Variants in GABRB1 observed in about 807,000 individuals in gnomAD.
GABRB1 encodes the protein gamma-aminobutyric acid type A receptor subunit beta1.
GABRB1 carries 17 observed loss-of-function variants against 51.6 expected under a neutral mutation model. The ratio of observed to expected loss-of-function variants is 0.33; its 90% CI spans 0.23 to 0.49. The LOEUF is 0.49. GABRB1 is among the 20% of genes least tolerant of loss of function. The pLI is 0.99. For missense variants in GABRB1, 410 were observed against 600.6 expected, an observed-to-expected ratio of 0.68 and a Z score of 3.32; for synonymous variants, 247 against 218.9, an observed-to-expected ratio of 1.13 and a Z score of -1.14.
chr4:47,065,448 G>A (rs1358647316), intron 3 of GABRB1, among the ~76,000 whole-genome samples: 1 of 152,176 alleles, frequency 6.6e-6, no homozygotes, highest in African/African-American at 2.4e-5. Flanking sequence ...CACTCACAAT[G>A]ATAGCTCCAT....
chr4:47,181,621 C>A (rs78968922), intron 4 of GABRB1, among the ~76,000 whole-genome samples: 5 of 151,936 alleles, frequency 3.3e-5, no homozygotes, highest in African/African-American at 4.8e-5. Flanking sequence ...TAGTGCCTAT[C>A]GCATAGGGTT....
At chr4:47,154,813 C>T (rs956209848) in intron 3 of GABRB1, among the ~76,000 whole-genome samples, 1 of 152,022 alleles carries the variant, frequency 6.6e-6, no homozygotes, top group East Asian at 1.9e-4. Context: ...AAACTCTGCC[C>T]TTATGGCTAC....
intron 4 of GABRB1, among the ~76,000 whole-genome samples, chr4:47,204,818 A>G (rs1720049844): frequency 6.6e-6 from 1 of 152,184 alleles, no homozygotes; most frequent in Admixed American, 6.6e-5. Flanking sequence ...TGAGTTCTCC[A>G]TTAAACCTTT....
At chr4:47,353,507 A>C (rs1460937924) in intron 5 of GABRB1, among the ~76,000 whole-genome samples, 1 of 152,188 alleles carries the variant, frequency 6.6e-6, no homozygotes, top group Non-Finnish European at 1.5e-5. Flanking sequence ...CTAACCTATA[A>C]AGAAATACTG....
At chr4:47,088,312 T>C (rs1288605262) in intron 3 of GABRB1, among the ~76,000 whole-genome samples, 2 of 152,152 alleles carry the variant, frequency 1.3e-5, no homozygotes, top group African/African-American at 4.8e-5. Context: ...AATGCAATAA[T>C]GCACATAGGA....
At chr4:47,250,806 C>A (rs529028685) in intron 4 of GABRB1, among the ~76,000 whole-genome samples, 5 of 152,166 alleles carry the variant, frequency 3.3e-5, no homozygotes, top group African/African-American at 1.2e-4. Flanking sequence ...ATTTTTGAAT[C>A]TTTTTTAAGC....
rs1727539941 is a variant in GABRB1 at position 47,076,161 on chromosome 4, G to A, written c.240+43677G>A. Among the ~76,000 whole-genome samples, 3 of 152,144 alleles carry A rather than the reference G, an allele frequency of 2.0e-5. No individual in the cohort carries two copies. The South Asian group carries it at 6.2e-4, about 32-fold the overall frequency. On this transcript the variant is annotated intron_variant, in intron 3 of 8. Coordinates refer to ENST00000295454, the MANE Select transcript of GABRB1 (RefSeq NM_000812.4). The stretch of plus-strand genomic sequence containing the variant: ...TGACTGATTTCTTTGTTCAATTCCA[G>A]CAGCATTGGCTAGGACCCTGACCAC...
chr4:47,188,552 C>G (rs766099404), intron 4 of GABRB1, among the ~76,000 whole-genome samples: 4 of 151,888 alleles, frequency 2.6e-5, no homozygotes, highest in Non-Finnish European at 4.4e-5. Flanking sequence ...CACATTGTTA[C>G]TCTTCAAGTT....
chr4:47,231,681 T>C (rs1376658721), intron 4 of GABRB1, among the ~76,000 whole-genome samples: 2 of 152,212 alleles, frequency 1.3e-5, no homozygotes, highest in Admixed American at 6.6e-5. Context: ...CAAAAAATCA[T>C]TGCAAGCTCT....
At chr4:47,044,488 T>A (rs1725999655) in intron 3 of GABRB1, among the ~76,000 whole-genome samples, 2 of 152,070 alleles carry the variant, frequency 1.3e-5, no homozygotes, top group Admixed American at 1.3e-4. Flanking sequence ...ATTTACTTAA[T>A]CTCTTTGATT....
chr4:46,998,814 T>A (rs1724088778), intron 1 of GABRB1, among the ~76,000 whole-genome samples: 1 of 151,940 alleles, frequency 6.6e-6, no homozygotes, highest in African/African-American at 2.4e-5. Flanking sequence ...TAACTACTTT[T>A]AGGCTCAATT....
chr4:47,139,581 A>G (rs1474686138), intron 3 of GABRB1, among the ~76,000 whole-genome samples: 5 of 151,996 alleles, frequency 3.3e-5, no homozygotes, highest in South Asian at 4.1e-4. Context: ...CTACCAAATC[A>G]TAGAATCACG....
intron 3 of GABRB1, among the ~76,000 whole-genome samples, chr4:47,134,823 A>G (rs1006070301): frequency 4.6e-5 from 7 of 152,332 alleles, no homozygotes; most frequent in African/African-American, 1.7e-4. Context: ...ACACTTACCA[A>G]TGTAATGAGT....
chr4:47,188,409 T>C (rs1719280714), intron 4 of GABRB1, among the ~76,000 whole-genome samples: 1 of 151,920 alleles, frequency 6.6e-6, no homozygotes, highest in African/African-American at 2.4e-5. Context: ...CATATATGTT[T>C]TGGGTTGATT....
intron 3 of GABRB1, among the ~76,000 whole-genome samples, chr4:47,054,421 A>C (rs1577864645): frequency 6.6e-6 from 1 of 152,120 alleles, no homozygotes; most frequent in African/African-American, 2.4e-5. Flanking sequence ...TTTTTCATGT[A>C]ATTAGGGATA....
At chr4:47,191,834 GA>G (rs1209905036) in intron 4 of GABRB1, among the ~76,000 whole-genome samples, 9 of 151,506 alleles carry the variant, frequency 5.9e-5, no homozygotes, top group South Asian at 4.2e-4. Flanking sequence ...TACAACAGAT[GA>G]AAAAAAATTA....
chr4:47,270,494 T>C (rs535905195), intron 4 of GABRB1, among the ~76,000 whole-genome samples: 10 of 152,324 alleles, frequency 6.6e-5, no homozygotes, highest in African/African-American at 1.9e-4. Flanking sequence ...AAAAGAGAAT[T>C]GCCTGTTGCT....
At chr4:47,254,660 C>T (rs1173377735) in intron 4 of GABRB1, among the ~76,000 whole-genome samples, 1 of 151,980 alleles carries the variant, frequency 6.6e-6, no homozygotes, top group African/African-American at 2.4e-5. Flanking sequence ...GGGTGAGCCA[C>T]CATGCCCAGC....
chr4:47,306,692 A>C (rs966360219), intron 4 of GABRB1, among the ~76,000 whole-genome samples: 1 of 152,154 alleles, frequency 6.6e-6, no homozygotes, highest in African/African-American at 2.4e-5. Flanking sequence ...CTAATGTTTC[A>C]TTCTTATAAA....
Sources: allele counts gnomAD v4.1 joint callset (sites outside exome capture counted in the v4.1 genomes callset), GRCh38; gene constraint gnomAD v4.1.1; transcripts MANE v1.5; gene names NCBI Gene and HGNC (gene_info 2026-07-23, HGNC 2026-07-21).